Variants in RNF150 observed in about 807,000 individuals in gnomAD.
RNF150 encodes the protein ring finger protein 150.
A neutral mutation model predicts 39.3 loss-of-function variants in RNF150; 24 were observed. That is an observed-to-expected ratio of 0.61 (90% CI 0.44 to 0.86). The LOEUF is 0.86. RNF150 is among the 40% of genes least tolerant of loss of function. RNF150 has a pLI of 0.00. For missense variants in RNF150, 502 were observed against 587.8 expected (o/e 0.85, Z 1.51); for synonymous variants, 255 against 227.3 (o/e 1.12, Z -1.10).
chr4:140,985,935 G>A (rs1240261890), intron 1 of RNF150, among the ~76,000 whole-genome samples: 1 of 152,006 alleles, frequency 6.6e-6, no homozygotes, highest in Non-Finnish European at 1.5e-5. Context: ...AGTCTAGGGG[G>A]CACAATCACT....
chr4:141,131,470 G>A (rs935677651), intron 1 of RNF150, among the ~76,000 whole-genome samples: 2 of 152,132 alleles, frequency 1.3e-5, no homozygotes, highest in South Asian at 2.1e-4. Flanking sequence ...GGCTTTTTTG[G>A]GGGGAGGGTG....
At chr4:140,946,863 C>T (rs1732334748) in intron 4 of RNF150, among the ~76,000 whole-genome samples, 1 of 152,088 alleles carries the variant, frequency 6.6e-6, no homozygotes, top group Non-Finnish European at 1.5e-5. Flanking sequence ...CCCAACAAGG[C>T]ATAATTCTAT....
chr4:140,907,951 T>A (rs143019807), intron 6 of RNF150, among the ~76,000 whole-genome samples: 89 of 152,356 alleles, frequency 5.8e-4, no homozygotes, highest in Non-Finnish European at 1.0e-3. Context: ...ATTTCTTAGC[T>A]GCTGTTATTT....
chr4:140,959,855 G>A (rs1283439592), intron 2 of RNF150, among the ~76,000 whole-genome samples: 2 of 152,084 alleles, frequency 1.3e-5, no homozygotes, highest in African/African-American at 4.8e-5. Flanking sequence ...GAGAGAGGCT[G>A]GGGTAGAGGT....
At chr4:140,936,779 A>G (rs1560976379) in intron 4 of RNF150, among the ~76,000 whole-genome samples, 1 of 152,178 alleles carries the variant, frequency 6.6e-6, no homozygotes, top group African/African-American at 2.4e-5. Flanking sequence ...TAACCTATCT[A>G]AAATTAGGAA....
At chr4:141,072,968 A>G (rs1040147116) in intron 1 of RNF150, among the ~76,000 whole-genome samples, 11 of 152,090 alleles carry the variant, frequency 7.2e-5, no homozygotes, top group African/African-American at 2.4e-4. Flanking sequence ...TAGTTTGTCA[A>G]TGTCATCTAC....
chr4:141,097,703 T>C (rs1448713074), intron 1 of RNF150, among the ~76,000 whole-genome samples: 4 of 152,186 alleles, frequency 2.6e-5, no homozygotes, highest in Admixed American at 2.6e-4. Flanking sequence ...AGCCTTTTTT[T>C]CCTTTCATTT....
chr4:141,110,181 G>T (rs1278738619), intron 1 of RNF150, among the ~76,000 whole-genome samples: 2 of 152,144 alleles, frequency 1.3e-5, no homozygotes, highest in Non-Finnish European at 1.5e-5. Context: ...CTCAGCCTCG[G>T]TCTGCCTCCT....
At chr4:141,178,109 A>G (rs894864887) in intron 1 of RNF150, among the ~76,000 whole-genome samples, 1 of 152,152 alleles carries the variant, frequency 6.6e-6, no homozygotes, top group Non-Finnish European at 1.5e-5. Flanking sequence ...TGAAAAAAGC[A>G]CTTAGGAAAG....
intron 1 of RNF150, among the ~76,000 whole-genome samples, chr4:141,046,885 G>A (rs1398966675): frequency 1.3e-5 from 2 of 152,042 alleles, no homozygotes; most frequent in Non-Finnish European, 2.9e-5. Context: ...AGTACATTTT[G>A]GGGGTCCATC....
At chr4:140,959,910 T>C (rs555816398) in intron 2 of RNF150, among the ~76,000 whole-genome samples, 1 of 152,166 alleles carries the variant, frequency 6.6e-6, no homozygotes, top group South Asian at 2.1e-4. Flanking sequence ...AGAGCGCTTC[T>C]GCAATACCCT....
intron 1 of RNF150, among the ~76,000 whole-genome samples, chr4:141,070,738 G>T (rs1249545849): frequency 7.5e-6 from 1 of 134,102 alleles, no homozygotes; most frequent in African/African-American, 2.5e-5. Flanking sequence ...AACAACAGGT[G>T]CTGGAGAGGA....
In RNF150 at chr4:141,058,521, G is replaced by A. The variant is rs75629727; in HGVS notation, c.484+73804C>T. The stretch of plus-strand genomic sequence containing the variant: ...GAAATCATGTTTAGTAACAGTTGCC[G>A]AATATTCCACCTTCATGTAGTGGTA... On this transcript the variant is annotated intron_variant, in intron 1 of 6. Transcript: ENST00000515673. Among the ~76,000 whole-genome samples the A allele has an allele frequency of 3.1e-4, 47 of 152,160 alleles. No individual in the cohort carries two copies. In the East Asian group the frequency reaches 7.7e-3, roughly 25 times the overall value.
chr4:140,933,228 T>C (rs17006670), intron 4 of RNF150, among the ~76,000 whole-genome samples: 11,140 of 152,246 alleles, frequency 0.073, 478 homozygotes, highest in Middle Eastern at 0.12. Context: ...TAAAAGGCTA[T>C]GGGATACGGT....
chr4:141,148,468 AG>A (rs993403285), intron 1 of RNF150, among the ~76,000 whole-genome samples: 1 of 151,114 alleles, frequency 6.6e-6, no homozygotes, highest in African/African-American at 2.4e-5. Flanking sequence ...TTTTAGATGG[AG>A]TTTTGTTCTT....
intron 5 of RNF150, among the ~76,000 whole-genome samples, chr4:140,922,268 A>G (rs1408777825): frequency 6.6e-6 from 1 of 151,474 alleles, no homozygotes; most frequent in African/African-American, 2.4e-5. Flanking sequence ...AACTTCAGCG[A>G]AGTCTCAGGA....
At chr4:141,110,002 G>A (rs1739335143) in intron 1 of RNF150, among the ~76,000 whole-genome samples, 1 of 152,142 alleles carries the variant, frequency 6.6e-6, no homozygotes, top group Non-Finnish European at 1.5e-5. Context: ...AAGTTGCCAG[G>A]ATATGAGAGA....
intron 1 of RNF150, among the ~76,000 whole-genome samples, chr4:141,193,142 C>A (rs1310774174): frequency 6.6e-6 from 1 of 152,194 alleles, no homozygotes; most frequent in African/African-American, 2.4e-5. Context: ...TTGCCTGTCT[C>A]CCATGTAATG....
rs138837709 is a variant in RNF150, at chr4:141,053,789, C to T, written c.484+78536G>A. On this transcript the variant is annotated intron_variant, in intron 1 of 6. Coordinates refer to ENST00000515673, the MANE Select transcript of RNF150 (RefSeq NM_020724.2). ...GAGATAAGTGATCCAGCTTCATTTCCTCTGCTAAAGCTATCCCTTCAAAAT... is the reference window on the plus strand; with the variant it reads ...GAGATAAGTGATCCAGCTTCATTTCTTCTGCTAAAGCTATCCCTTCAAAAT... 11 of 935,976 alleles carry T rather than the reference C, an allele frequency of 1.2e-5. No individual in the cohort carries two copies. In the East Asian group the frequency reaches 1.9e-4, roughly 16 times the overall value. 58.0% of individuals were successfully genotyped at this position (935,976 alleles called of 1,614,324 possible).
Sources: gnomAD v4.1 joint callset for allele counts (sites outside exome capture counted in the v4.1 genomes callset) on GRCh38, gnomAD v4.1.1 for gene constraint, MANE v1.5 for transcripts, NCBI Gene and HGNC (gene_info 2026-07-23, HGNC 2026-07-21) for gene names.